The following SMC3 variants were observed in gnomAD, a reference collection of about 807,000 sequenced individuals.
SMC3 encodes structural maintenance of chromosomes protein 3.
A neutral mutation model predicts 171.8 loss-of-function variants in SMC3; 20 were observed. The observed-to-expected ratio is 0.12, with a 90% CI of 0.08 to 0.17. SMC3 has a LOEUF of 0.17. Among genes scored for constraint, SMC3 ranks in the 10% least tolerant of loss-of-function variants. SMC3 has a pLI of 1.00. For missense variants in SMC3, 543 were observed against 1,420.4 expected, an observed-to-expected ratio of 0.38 and a Z score of 9.93; for synonymous variants, 464 against 451.1, an observed-to-expected ratio of 1.03 and a Z score of -0.36.
At chr10:110,583,727 G>T in intron 11 of SMC3, 114 bp from the exon 12 acceptor site, 1 of 1,274,770 alleles carries the variant, frequency 7.8e-7, no homozygotes, top group Non-Finnish European at 1.1e-6. Context: ...TTAAAAAAGA[G>T]TTTCATGTTA....
intron 7 of SMC3, 74 bp from the exon 8 acceptor site, chr10:110,580,830 A>G: frequency 1.2e-6 from 1 of 833,994 alleles, no homozygotes; most frequent in Non-Finnish European, 2.1e-6. Flanking sequence ...TGTATTAAAA[A>G]CCTTTCAACG....
chr10:110,573,132 T>C (rs1408929111), intron 2 of SMC3, among the ~76,000 whole-genome samples: 1 of 152,200 alleles, frequency 6.6e-6, no homozygotes, highest in Non-Finnish European at 1.5e-5. Context: ...TTTATGAGTC[T>C]TAACACTGAA....
intron 2 of SMC3, among the ~76,000 whole-genome samples, chr10:110,569,573 GTATACCTATGTAACAA>G (rs1265788574): frequency 2.6e-5 from 4 of 152,090 alleles, no homozygotes; most frequent in African/African-American, 9.7e-5. Context: ...CATGGCACAT[GTATACCTATGTAACAA>G]ACCTGCATGT....
chr10:110,577,326 A>G lies in SMC3; in HGVS notation c.199-95A>G, dbSNP rs1037320155. On this transcript the variant is annotated intron_variant, in intron 4 of 28. Transcript: ENST00000361804. ...TCTAGCAGAAATTTTTCTCCATTGA[A>G]TCAGACTTGTTATTATGCCCTAGAC... 9.8e-6 allele frequency: 9 copies of G among 915,370 alleles called. No individual in the cohort carries two copies. The African/African-American group carries it at 1.3e-4, about 13-fold the overall frequency. 56.7% of individuals were successfully genotyped at this position (915,370 alleles called of 1,614,324 possible). A position where few individuals can be genotyped will look rare whatever the true frequency, so the allele number is the denominator to read the frequency against.
At chr10:110,599,561 A>G (rs1329538704) in intron 20 of SMC3, 93 bp from the exon 21 acceptor site, 1 of 1,135,220 alleles carries the variant, frequency 8.8e-7, no homozygotes, top group Admixed American at 2.2e-5. Flanking sequence ...ATGTCTATAT[A>G]TTTAGCTCAA....
chr10:110,588,982 T>G (rs888739254), intron 13 of SMC3, among the ~76,000 whole-genome samples: 1 of 152,112 alleles, frequency 6.6e-6, no homozygotes, highest in Non-Finnish European at 1.5e-5. Context: ...ATTATAGAAA[T>G]AGGAAGATTT....
At chr10:110,595,554 A>G (rs1178506573) in intron 18 of SMC3, among the ~76,000 whole-genome samples, 2 of 152,176 alleles carry the variant, frequency 1.3e-5, no homozygotes, top group African/African-American at 4.8e-5. Context: ...TCTTCAAGTC[A>G]GGTTCTCCCA....
intron 13 of SMC3, among the ~76,000 whole-genome samples, chr10:110,586,359 G>T (rs1861115680): frequency 6.6e-6 from 1 of 152,268 alleles, no homozygotes; most frequent in East Asian, 1.9e-4. Flanking sequence ...GATACTTTGT[G>T]GAAGGAGTGG....
chr10:110,593,006 A>T (rs1861232896), intron 17 of SMC3, 67 bp from the exon 18 acceptor site: 1 of 1,265,560 alleles, frequency 7.9e-7, no homozygotes, highest in African/African-American at 1.5e-5. Flanking sequence ...TAAAGATGTA[A>T]TTTCATAATT....
intron 22 of SMC3, among the ~76,000 whole-genome samples, 183 bp downstream of exon 22, chr10:110,600,729 A>G (rs1490168291): frequency 6.6e-6 from 1 of 152,098 alleles, no homozygotes; most frequent in Non-Finnish European, 1.5e-5. Context: ...CACTATTTCT[A>G]AGCCTCAGTT....
rs774433334 is a variant in SMC3, at chr10:110,589,877, CT to C, written c.1410-10del. On this transcript the variant is annotated splice_polypyrimidine_tract_variant and intron_variant, in intron 14 of 28. Coordinates refer to ENST00000361804, the MANE Select transcript of SMC3 (RefSeq NM_005445.4). ...TGTGTTTAAAATTAAAGACAGTCTA[CT>C]TTTTATTTATTAGCTACTTGTGGAG... 6.8e-6 allele frequency: 11 copies of C among 1,609,630 alleles called. No homozygotes were observed. In the South Asian group the frequency reaches 1.2e-4, roughly 18 times the overall value.
At chr10:110,598,437 T>C (rs773548537) in intron 20 of SMC3, 147 bp downstream of exon 20, 3 of 818,474 alleles carry the variant, frequency 3.7e-6, no homozygotes, top group Admixed American at 2.1e-5. Context: ...CAGAGTCTCT[T>C]TCTGTCTCAC....
At chr10:110,582,533 T>G (rs1357946762) in intron 9 of SMC3, 29 bp from the exon 10 acceptor site, 1 of 1,513,536 alleles carries the variant, frequency 6.6e-7, no homozygotes, top group Admixed American at 1.7e-5. Context: ...CAAAATGAGT[T>G]AGATATGATA....
Position 110,589,626 on chromosome 10 carries a change from G to T in SMC3, c.1327G>T (p.Glu443Ter). Residue 443 changes from glutamate (E) to a stop codon, truncating the protein, a stop_gained, in exon 14 of 29, where the codon GAA (glutamate) becomes TAA (stop). Transcript: ENST00000361804. LOFTEE classifies it high-confidence loss of function. The stretch of plus-strand genomic sequence containing the variant: ...ATAGAAACTGGACCAGGATCTTAAT[G>T]AAGTCAAAGCTCGAGTAGAAGAACT... Reference protein sequence around the residue: ...QYNKLDQDLNEVKARVEELDR... With the variant: ...QYNKLDQDLN 6.2e-7 allele frequency: 1 copy of T among 1,607,942 alleles called. No individual in the cohort carries two copies. The highest frequency in any genetic ancestry group is 8.5e-7 in the Non-Finnish European group (1 of 1,174,872).
chr10:110,567,947 C>T, intron 1 of SMC3, 116 bp downstream of exon 1: 6 of 1,311,102 alleles, frequency 4.6e-6, no homozygotes, highest in Non-Finnish European at 6.5e-6. Context: ...TGGACCAGGG[C>T]TGGGCGGGGA....
chr10:110,591,170 A>G (rs1564792482), intron 17 of SMC3, 38 bp downstream of exon 17: 4 of 1,597,730 alleles, frequency 2.5e-6, no homozygotes, highest in Non-Finnish European at 3.4e-6. Flanking sequence ...TCTCTTTTAT[A>G]ATGTTATTTT....
intron 21 of SMC3, among the ~76,000 whole-genome samples, chr10:110,600,145 T>C: frequency 6.6e-6 from 1 of 152,220 alleles, no homozygotes; most frequent in East Asian, 1.9e-4. Flanking sequence ...AGCATTTTAA[T>C]TGATTTTTAA....
intron 4 of SMC3, among the ~76,000 whole-genome samples, chr10:110,575,769 T>C (rs79626254): frequency 0.059 from 9,030 of 152,246 alleles, 355 homozygotes; most frequent in African/African-American, 0.11. Context: ...TAGGAGAAAA[T>C]TATAGGATTT....
At chr10:110,589,123 C>T (rs1033772129) in intron 13 of SMC3, among the ~76,000 whole-genome samples, 1 of 152,112 alleles carries the variant, frequency 6.6e-6, no homozygotes, top group Admixed American at 6.5e-5. Flanking sequence ...GGCGCAGTGT[C>T]TCACGCCTGT....
Sources: allele counts gnomAD v4.1 joint callset (sites outside exome capture counted in the v4.1 genomes callset), GRCh38; gene constraint gnomAD v4.1.1; transcripts MANE v1.5; gene names NCBI Gene and HGNC (gene_info 2026-07-23, HGNC 2026-07-21).